TTF2: variants seen among roughly 807,000 people sequenced by gnomAD.
TTF2 encodes the protein transcription termination factor 2.
In TTF2, 108 loss-of-function variants were observed where a neutral mutation model predicts 142.4. That is an observed-to-expected ratio of 0.76 (90% CI 0.65 to 0.89). TTF2 has a LOEUF of 0.89. Ranked by LOEUF, TTF2 falls within the 40% of genes least tolerant of loss-of-function variation. The probability of loss-of-function intolerance (pLI) is 0.00; values close to 1 mark genes in which losing one functional copy is unlikely to be tolerated. For missense variants in TTF2, 1,327 were observed against 1,379.8 expected, an observed-to-expected ratio of 0.96 and a Z score of 0.61; for synonymous variants, 483 against 506.2, an observed-to-expected ratio of 0.95 and a Z score of 0.61.
In TTF2 at chr1:117,079,458, C is replaced by A; in HGVS notation, c.1702-110C>A. ...GGTGAAATGAACTGTCTACAGAATA[C>A]TGAGGGAATCATTTGTAGAAAATAG... On this transcript the variant is annotated intron_variant, in intron 8 of 22. Coordinates refer to ENST00000369466, the MANE Select transcript of TTF2 (RefSeq NM_003594.4). The surrounding 1 kb of genome is among the most constrained non-coding windows in gnomAD (Gnocchi z 4.2). 1 of 993,502 alleles carries A rather than the reference C, an allele frequency of 1.0e-6. No individual in the cohort carries two copies. Among genetic ancestry groups the A allele is most frequent in the Non-Finnish European group, 1.6e-6 (1 of 639,282 alleles). 61.5% of individuals were successfully genotyped at this position (993,502 alleles called of 1,614,324 possible).
In TTF2 at chr1:117,106,458, C is replaced by T. The variant is rs181983015; in HGVS notation, c.*4934C>T. The T allele has an allele frequency of 2.0e-5, 3 of 152,310 alleles. No individual in the cohort carries two copies. The highest frequency in any genetic ancestry group is 7.2e-5 in the African/African-American group (3 of 41,570). The allele number at this position is 152,310 out of a possible 1,614,324, so 9.4% of individuals were successfully genotyped here. A position where few individuals can be genotyped will look rare whatever the true frequency, so the allele number is the denominator to read the frequency against. On this transcript the variant is annotated 3_prime_UTR_variant, in exon 23 of 23. Transcript: ENST00000369466. The stretch of plus-strand genomic sequence containing the variant: ...GACTATTTTCTTGCTTAATTATCCA[C>T]ACAGTAATTCAGAAATGTATATTGA...
chr1:117,089,973 C>T, intron 13 of TTF2, 82 bp from the exon 14 acceptor site: 1 of 1,465,076 alleles, frequency 6.8e-7, no homozygotes, highest in African/African-American at 1.4e-5. Flanking sequence ...GATTTGTCAT[C>T]TTATATCTTA....
In TTF2 at chr1:117,073,762, G is replaced by A; in HGVS notation, c.285+35G>A. ...ATTCATCTGTTTTCAAACCTGCTGT[G>A]TTAAGACTTTTAATATGCAGCATCA... On this transcript the variant is annotated intron_variant, in intron 4 of 22. Transcript: ENST00000369466. The surrounding 1 kb of genome is among the most constrained non-coding windows in gnomAD (Gnocchi z 4.4). 1 of 1,596,020 alleles carries A rather than the reference G, an allele frequency of 6.3e-7. No individual in the cohort carries two copies.
chr1:117,062,369 CT>C lies in TTF2; in HGVS notation c.132-12del. On this transcript the variant is annotated splice_polypyrimidine_tract_variant and intron_variant, in intron 2 of 22. Coordinates refer to ENST00000369466, the MANE Select transcript of TTF2 (RefSeq NM_003594.4). ...GTTCCTGACCTAAAAATGTTTTCAA[CT>C]TTTTTCTTTTCTCTAGCATTCCTGT... 6.2e-7 allele frequency: 1 copy of C among 1,608,676 alleles called. No homozygotes were observed. Among genetic ancestry groups the C allele is most frequent in the South Asian group, 1.1e-5 (1 of 89,634 alleles).
At chr1:117,082,196 C>T in intron 10 of TTF2, 1 of 478,124 alleles carries the variant, frequency 2.1e-6, no homozygotes, top group Non-Finnish European at 3.8e-6. Context: ...GGCTCTAGAA[C>T]ACTTAATTTA....
chr1:117,077,507 T>G (rs1657114217), intron 7 of TTF2, among the ~76,000 whole-genome samples: 1 of 152,180 alleles, frequency 6.6e-6, no homozygotes, highest in Admixed American at 6.5e-5. Flanking sequence ...TGTAAGTGTG[T>G]GTAAGACTGA....
intron 11 of TTF2, among the ~76,000 whole-genome samples, chr1:117,084,561 T>C (rs1199198575): frequency 6.6e-6 from 1 of 152,200 alleles, no homozygotes; most frequent in Non-Finnish European, 1.5e-5. Context: ...ATGCTAATGA[T>C]TAGTTGCTAT....
chr1:117,084,878 T>G (rs935106258), intron 11 of TTF2, among the ~76,000 whole-genome samples: 7 of 152,200 alleles, frequency 4.6e-5, no homozygotes, highest in Non-Finnish European at 7.3e-5. Context: ...AATTTGGATA[T>G]TTTATCTCCT....
Position 117,060,377 on chromosome 1 carries a change from A to G in TTF2, c.28+3A>G. ...AGAAGTTAGGTGTCCAGAGCACGGTAAGGGGCTAGGGTCTCAGCGTCCCGG... is the reference window on the plus strand; with the variant it reads ...AGAAGTTAGGTGTCCAGAGCACGGTGAGGGGCTAGGGTCTCAGCGTCCCGG... On this transcript the variant is annotated splice_donor_region_variant and intron_variant, in intron 1 of 22. Transcript: ENST00000369466. The G allele has an allele frequency of 1.2e-6, 2 of 1,606,602 alleles. No individual in the cohort carries two copies. The highest frequency in any genetic ancestry group is 1.7e-6 in the Non-Finnish European group (2 of 1,175,822).
At position 117,080,155 on chromosome 1, in the gene TTF2, A is replaced by C. The variant is rs1013591569; in HGVS notation, c.1783+506A>C. Reference sequence around the variant, plus strand: ...CTCCCCAGTAGCTGGGATTACAGGCAGATGCCACCACGCCTGGCTAATTTT... The same window carrying C: ...CTCCCCAGTAGCTGGGATTACAGGCCGATGCCACCACGCCTGGCTAATTTT... On this transcript the variant is annotated intron_variant, in intron 9 of 22. Transcript: ENST00000369466. This position sits in a 1 kb window ranked among gnomAD's most constrained non-coding sequence, Gnocchi z 4.3. Among the ~76,000 whole-genome samples, 5 of 152,068 alleles carry C rather than the reference A, an allele frequency of 3.3e-5. No homozygotes were observed. The highest frequency in any genetic ancestry group is 1.2e-4 in the African/African-American group (5 of 41,410).
At position 117,098,696 on chromosome 1, in the gene TTF2, C is replaced by A. The variant is rs934517350; in HGVS notation, c.3270-137C>A. On this transcript the variant is annotated intron_variant, in intron 21 of 22. Transcript: ENST00000369466. ...GTTTTGTTTTGCTTTGCTTTCTTTT[C>A]TTAAATCCCTTTAAAACTGTAACAA... 7.1e-6 allele frequency: 5 copies of A among 708,454 alleles called. No homozygotes were observed. The African/African-American group carries it at 9.1e-5, about 13-fold the overall frequency. 43.9% of individuals were successfully genotyped at this position (708,454 alleles called of 1,614,324 possible). A position where few individuals can be genotyped will look rare whatever the true frequency, so the allele number is the denominator to read the frequency against.
At position 117,092,016 on chromosome 1, in the gene TTF2, A is replaced by C; in HGVS notation, c.2805+66A>C. The C allele has an allele frequency of 6.8e-7, 1 of 1,479,838 alleles. No homozygotes were observed. Among genetic ancestry groups the C allele is most frequent in the South Asian group, 1.3e-5 (1 of 77,028 alleles). 91.7% of individuals were successfully genotyped at this position (1,479,838 alleles called of 1,614,324 possible). A position where few individuals can be genotyped will look rare whatever the true frequency, so the allele number is the denominator to read the frequency against. On this transcript the variant is annotated intron_variant, in intron 17 of 22. Coordinates refer to ENST00000369466, the MANE Select transcript of TTF2 (RefSeq NM_003594.4). This position sits in a 1 kb window ranked among gnomAD's most constrained non-coding sequence, Gnocchi z 4.4. ...AGGGGCCACCTGAGAAGTCAATTTC[A>C]CTCTCCTCCAACTGGAATCCAGTCT... is the stretch of plus-strand genomic sequence containing the variant.
At chr1:117,095,252 G>A in intron 18 of TTF2, 57 bp from the exon 19 acceptor site, 5 of 1,562,500 alleles carry the variant, frequency 3.2e-6, no homozygotes, top group East Asian at 2.2e-5. Flanking sequence ...GCAGGTGAGG[G>A]GAGATGGAGA....
chr1:117,065,876 A>G (rs906960536), intron 3 of TTF2, among the ~76,000 whole-genome samples: 2 of 150,494 alleles, frequency 1.3e-5, no homozygotes, highest in Non-Finnish European at 3.0e-5. Context: ...CCACTGAAGG[A>G]TTTTTGACCC....
Position 117,090,224 on chromosome 1 carries a change from C to T in TTF2, c.2496+16C>T. 1 of 1,612,438 alleles carries T rather than the reference C, an allele frequency of 6.2e-7. No individual in the cohort carries two copies. Among genetic ancestry groups the T allele is most frequent in the Non-Finnish European group, 8.5e-7 (1 of 1,179,152 alleles). On this transcript the variant is annotated intron_variant, in intron 14 of 22. Coordinates refer to ENST00000369466, the MANE Select transcript of TTF2 (RefSeq NM_003594.4). This position sits in a 1 kb window ranked among gnomAD's most constrained non-coding sequence, Gnocchi z 4.8. ...CAGACCTTTGGTAATCAAGTTTGTA[C>T]CTGTCCCTGGGGGAGGCCAGGGAAG...
chr1:117,079,895 T>C lies in TTF2; in HGVS notation c.1783+246T>C, dbSNP rs1647338982. On this transcript the variant is annotated intron_variant, in intron 9 of 22. Transcript: ENST00000369466. The surrounding 1 kb of genome is among the most constrained non-coding windows in gnomAD (Gnocchi z 4.2). ...TCTGGCTGATTAAAGAGAGGAGGAG[T>C]TTATTTTTTGGTGGCTCCCACAATC... Among the ~76,000 whole-genome samples the C allele has an allele frequency of 6.6e-6, 1 of 151,988 alleles. No homozygotes were observed. The highest frequency in any genetic ancestry group is 1.5e-5 in the Non-Finnish European group (1 of 67,978).
In TTF2 at chr1:117,079,044, A is replaced by G. The variant is rs1647252641; in HGVS notation, c.1702-524A>G. ...CACTTGAGGCCAGGAGCTCAAGACT[A>G]GCCTGGCCAACATGGTGAAACCCCA... On this transcript the variant is annotated intron_variant, in intron 8 of 22. Transcript: ENST00000369466. This position sits in a 1 kb window ranked among gnomAD's most constrained non-coding sequence, Gnocchi z 4.2. 6.6e-6 allele frequency among the ~76,000 whole-genome samples: 1 copy of G among 152,184 alleles called. No homozygotes were observed. The highest frequency in any genetic ancestry group is 6.5e-5 in the Admixed American group (1 of 15,280).
chr1:117,076,791 T>C lies in TTF2; in HGVS notation c.1541T>C (p.Val514Ala). 6.2e-6 allele frequency: 10 copies of C among 1,613,920 alleles called. No homozygotes were observed. The highest frequency in any genetic ancestry group is 8.5e-6 in the Non-Finnish European group (10 of 1,179,906). Residue 514 changes from valine to alanine, a missense_variant, in exon 7 of 23, where the codon GTG becomes GCG. Transcript: ENST00000369466. This position sits in a 1 kb window ranked among gnomAD's most constrained non-coding sequence, Gnocchi z 4.6. ...CTAGAACTAAAGTCTGCCTGCCAGG[T>C]GACTGCTGGAGGATCCAGTCAGTGC... is the stretch of plus-strand genomic sequence containing the variant. Reference protein sequence around the residue: ...GSLELKSACQVTAGGSSQCYR... With the variant: ...GSLELKSACQATAGGSSQCYR...
rs1032130809 is a variant in TTF2, at chr1:117,101,286, T to C, written c.3345-94T>C. 7.5e-7 allele frequency: 1 copy of C among 1,341,254 alleles called. No individual in the cohort carries two copies. Among genetic ancestry groups the C allele is most frequent in the Non-Finnish European group, 1.0e-6 (1 of 1,001,814 alleles). 83.1% of individuals were successfully genotyped at this position (1,341,254 alleles called of 1,614,324 possible). On this transcript the variant is annotated intron_variant, in intron 22 of 22. Transcript: ENST00000369466. This position sits in a 1 kb window ranked among gnomAD's most constrained non-coding sequence, Gnocchi z 5.9. ...GAAGACTTAAAGGAAGAAATCTCAT[T>C]AAAAATGAAAGCATAATAAAAGTTT... is the stretch of plus-strand genomic sequence containing the variant.
Sources: gnomAD v4.1 joint callset for allele counts (sites outside exome capture counted in the v4.1 genomes callset) on GRCh38, gnomAD v4.1.1 for gene constraint, Gnocchi (gnomAD v3.1) non-coding constraint, MANE v1.5 for transcripts, NCBI Gene and HGNC (gene_info 2026-07-23, HGNC 2026-07-21) for gene names.